Variants in TG observed in about 807,000 individuals in gnomAD.
TG encodes thyroid hormones.
Under a neutral mutation model 324.7 loss-of-function variants are expected in TG, and 270 were observed. The ratio of observed to expected loss-of-function variants is 0.83; its 90% CI spans 0.75 to 0.92. The LOEUF is 0.92. Ranked by LOEUF, TG falls within the 40% of genes least tolerant of loss-of-function variation. The probability of loss-of-function intolerance (pLI) is 0.00; values close to 1 mark genes in which losing one functional copy is unlikely to be tolerated. For synonymous variants in TG, 1,401 were observed against 1,327.0 expected, an observed-to-expected ratio of 1.06 and a Z score of -1.21; for missense variants, 3,591 against 3,456.4, an observed-to-expected ratio of 1.04 and a Z score of -0.98.
intron 34 of TG, among the ~76,000 whole-genome samples, chr8:132,981,828 G>T (rs531046433): frequency 2.5e-4 from 38 of 152,288 alleles, no homozygotes; most frequent in Non-Finnish European, 4.3e-4. Context: ...GGTGCTTCCA[G>T]GCAGATGATG....
At chr8:133,118,767 G>T (rs1378544072) in intron 45 of TG, among the ~76,000 whole-genome samples, 1 of 152,136 alleles carries the variant, frequency 6.6e-6, no homozygotes, top group Non-Finnish European at 1.5e-5. Flanking sequence ...TAGCTGAATA[G>T]TGGCCCCCGA....
At chr8:132,893,241 ATG>A (rs1315255118) in intron 10 of TG, among the ~76,000 whole-genome samples, 4 of 80,598 alleles carry the variant, frequency 5.0e-5, no homozygotes, top group Non-Finnish European at 1.0e-4. Context: ...GTGTGTGTGT[ATG>A]TGTGTGGTGT....
intron 41 of TG, among the ~76,000 whole-genome samples, chr8:133,058,724 G>T (rs186690397): frequency 6.6e-6 from 1 of 152,366 alleles, no homozygotes; most frequent in African/African-American, 2.4e-5. Flanking sequence ...GTTGCACGCT[G>T]TTCTGAGTGT....
At position 133,126,253 on chromosome 8, in the gene TG, C is replaced by T. The variant is rs1048586826; in HGVS notation, c.7863-5559C>T. Among the ~76,000 whole-genome samples the T allele has an allele frequency of 4.6e-5, 7 of 152,272 alleles. No individual in the cohort carries two copies. The East Asian group carries it at 1.3e-3, about 29-fold the overall frequency. The stretch of plus-strand genomic sequence containing the variant: ...AAACATAGTGCATGATCTATTATTT[C>T]CAGTCTGGGATCCATGAAAATGGAG... On this transcript the variant is annotated intron_variant, in intron 45 of 47. Coordinates refer to ENST00000220616, the MANE Select transcript of TG (RefSeq NM_003235.5).
intron 25 of TG, 58 bp downstream of exon 25, chr8:132,935,922 G>A: frequency 1.4e-6 from 2 of 1,401,846 alleles, no homozygotes; most frequent in South Asian, 1.2e-5. Flanking sequence ...GTCATGTTTG[G>A]AGCTGGTTTC....
chr8:132,885,449 T>C (rs1182023754), intron 8 of TG, among the ~76,000 whole-genome samples: 1 of 151,706 alleles, frequency 6.6e-6, no homozygotes, highest in Non-Finnish European at 1.5e-5. Context: ...TATATTATAA[T>C]ATATATTACA....
chr8:133,121,500 C>T (rs1308799546), intron 45 of TG, among the ~76,000 whole-genome samples: 4 of 152,172 alleles, frequency 2.6e-5, no homozygotes, highest in Non-Finnish European at 4.4e-5. Context: ...GAAAGAGACA[C>T]GCAGATCCAC....
At chr8:133,049,588 C>T in intron 41 of TG, 1 of 351,546 alleles carries the variant, frequency 2.8e-6, no homozygotes, top group East Asian at 6.0e-5. Context: ...ACACTGACTT[C>T]TAGTCTCTGC....
intron 26 of TG, among the ~76,000 whole-genome samples, chr8:132,944,329 C>T (rs1824907597): frequency 6.6e-6 from 1 of 152,182 alleles, no homozygotes; most frequent in Non-Finnish European, 1.5e-5. Context: ...CCACCAACCC[C>T]CACTACTTGA....
chr8:132,941,969 T>C (rs1824511313), intron 26 of TG, among the ~76,000 whole-genome samples: 2 of 152,232 alleles, frequency 1.3e-5, no homozygotes, highest in African/African-American at 4.8e-5. Flanking sequence ...AAATGTCAGC[T>C]CATTCCCATT....
chr8:133,071,274 G>A (rs890596223), intron 41 of TG, among the ~76,000 whole-genome samples: 4 of 152,212 alleles, frequency 2.6e-5, no homozygotes, highest in African/African-American at 9.6e-5. Flanking sequence ...TCTAACCGGG[G>A]AAACCAAGGC....
At chr8:132,874,633 A>G (rs1017030760) in intron 5 of TG, among the ~76,000 whole-genome samples, 5 of 152,254 alleles carry the variant, frequency 3.3e-5, no homozygotes, top group African/African-American at 9.6e-5. Flanking sequence ...GCCTGTGTGC[A>G]GAACTGTCCC....
intron 10 of TG, among the ~76,000 whole-genome samples, chr8:132,891,863 C>A (rs1323925799): frequency 2.0e-5 from 3 of 152,180 alleles, no homozygotes; most frequent in Non-Finnish European, 4.4e-5. Flanking sequence ...TCAAAAGAAT[C>A]CAATGACACC....
At chr8:133,095,443 A>G (rs1848266442) in intron 42 of TG, among the ~76,000 whole-genome samples, 1 of 152,180 alleles carries the variant, frequency 6.6e-6, no homozygotes, top group Admixed American at 6.5e-5. Flanking sequence ...TGTCTTTCTT[A>G]TTTATAACAT....
At chr8:133,066,115 A>G (rs1223355353) in intron 41 of TG, among the ~76,000 whole-genome samples, 1 of 152,154 alleles carries the variant, frequency 6.6e-6, no homozygotes, top group African/African-American at 2.4e-5. Flanking sequence ...CGAGGTGAGG[A>G]GATCGAGACC....
In TG at chr8:133,131,619, G is replaced by A. The variant is rs545117157; in HGVS notation, c.7863-193G>A. On this transcript the variant is annotated intron_variant, in intron 45 of 47. Transcript: ENST00000220616. ...CAACAGACATGCCATGGATCTCCCC[G>A]CAAGGGGCCACTGCACTAAATTTAG... Among the ~76,000 whole-genome samples the A allele has an allele frequency of 6.8e-4, 104 of 152,270 alleles. 1 individual carries two copies. The South Asian group carries it at 7.3e-3, about 11-fold the overall frequency.
intron 37 of TG, among the ~76,000 whole-genome samples, chr8:133,015,781 A>G (rs921564237): frequency 1.3e-5 from 2 of 152,198 alleles, no homozygotes; most frequent in African/African-American, 4.8e-5. Flanking sequence ...AGGAGGAACT[A>G]TGGGGTGACA....
chr8:133,030,904 A>G (rs2130993993), intron 41 of TG, among the ~76,000 whole-genome samples: 1 of 152,350 alleles, frequency 6.6e-6, no homozygotes, highest in South Asian at 2.1e-4. Context: ...AGCAGAGATG[A>G]GCCAGACTGC....
chr8:132,946,082 T>C (rs1208986647), intron 26 of TG, among the ~76,000 whole-genome samples: 1 of 152,022 alleles, frequency 6.6e-6, no homozygotes, highest in Non-Finnish European at 1.5e-5. Context: ...ACCCTATATT[T>C]GTCTTGATGT....
Sources: gnomAD v4.1 joint callset for allele counts (sites outside exome capture counted in the v4.1 genomes callset) on GRCh38, gnomAD v4.1.1 for gene constraint, MANE v1.5 for transcripts, NCBI Gene and HGNC (gene_info 2026-07-23, HGNC 2026-07-21) for gene names.